Variants in DNAH9 observed in about 807,000 individuals in gnomAD.
The protein encoded by DNAH9 is DNAH9 variant protein.
Under a neutral mutation model 471.6 loss-of-function variants are expected in DNAH9, and 345 were observed. That is an observed-to-expected ratio of 0.73 (90% CI 0.67 to 0.80). DNAH9 has a LOEUF of 0.80. Ranked by LOEUF, DNAH9 falls within the 30% of genes least tolerant of loss-of-function variation. The pLI is 0.00. For synonymous variants in DNAH9, 2,093 were observed against 2,123.6 expected (o/e 0.99, Z 0.40); for missense variants, 5,407 against 5,609.2 (o/e 0.96, Z 1.15).
rs1300215429 is a variant in DNAH9, at chr17:11,937,440, A to G, written c.12578A>G (p.Glu4193Gly). The change falls in exon 66 of 69, where the codon GAA (glutamate) becomes GGA (glycine). Residue 4193 changes from glutamate (E) to glycine (G), a missense_variant. Physicochemically the swap from Glu to Gly is moderately conservative, Grantham distance 98 (BLOSUM62 -2). Around this residue, in one of 3 missense-constraint regions of DNAH9, gnomAD observed 4,636 missense variants for 4,900.3 expected, o/e 0.95. Transcript: ENST00000262442. The surrounding 1 kb of genome is among the most constrained non-coding windows in gnomAD (Gnocchi z 4.1). ...AEIGFLTQTS[E>G]KLFRTVLELQ... is the part of the protein sequence containing the mutation. ...ATTGGCTTCCTGACCCAAACCTCAG[A>G]AAAGCTCTTCCGCACTGTGCTGGAG... is the stretch of plus-strand genomic sequence containing the variant. 1.1e-5 allele frequency: 18 copies of G among 1,614,010 alleles called. No individual in the cohort carries two copies. The highest frequency in any genetic ancestry group is 9.3e-6 in the Non-Finnish European group (11 of 1,179,998).
intron 28 of DNAH9, among the ~76,000 whole-genome samples, chr17:11,731,713 T>C (rs2075274077): frequency 6.6e-6 from 1 of 152,128 alleles, no homozygotes; most frequent in South Asian, 2.1e-4. Context: ...TCCATGTCCC[T>C]GCAAAGGACA....
chr17:11,652,997 G>C lies in DNAH9; in HGVS notation c.2590G>C (p.Val864Leu). The C allele has an allele frequency of 6.2e-7, 1 of 1,613,690 alleles. No individual in the cohort carries two copies. Among genetic ancestry groups the C allele is most frequent in the Non-Finnish European group, 8.5e-7 (1 of 1,179,990 alleles). ...KESGLKIHAL[V>L]QENLGLFSAD... is the part of the protein sequence containing the mutation. ...ATCTGGCCTTAAGATCCACGCCCTTGTTCAGGTAATAACCCAGCCACTCAG... is the reference window on the plus strand; with the variant it reads ...ATCTGGCCTTAAGATCCACGCCCTTCTTCAGGTAATAACCCAGCCACTCAG... The change falls in exon 14 of 69, where the codon GTT becomes CTT. Residue 864 changes from valine to leucine, a missense_variant. Val to Leu is a conservative substitution (Grantham distance 32). Around this residue, in one of 3 missense-constraint regions of DNAH9, gnomAD observed 4,636 missense variants for 4,900.3 expected, o/e 0.95. Transcript: ENST00000262442.
intron 4 of DNAH9, among the ~76,000 whole-genome samples, chr17:11,613,532 G>A (rs1045335718): frequency 5.3e-5 from 8 of 152,166 alleles, no homozygotes; most frequent in African/African-American, 1.9e-4. Flanking sequence ...TTGAACCTGG[G>A]AGGCAGAGGT....
chr17:11,867,824 A>G (rs1043417337), intron 50 of DNAH9, among the ~76,000 whole-genome samples: 4 of 152,188 alleles, frequency 2.6e-5, no homozygotes, highest in Non-Finnish European at 5.9e-5. Flanking sequence ...TGACTTTCTT[A>G]CATGGTGACA....
intron 68 of DNAH9, among the ~76,000 whole-genome samples, chr17:11,967,089 T>C (rs865981310): frequency 3.3e-5 from 5 of 151,434 alleles, no homozygotes; most frequent in African/African-American, 7.3e-5. Flanking sequence ...GATTGTTATG[T>C]ACATTAGAAT....
chr17:11,955,755 C>G (rs146854892), intron 67 of DNAH9, among the ~76,000 whole-genome samples: 3 of 152,346 alleles, frequency 2.0e-5, no homozygotes, highest in Non-Finnish European at 4.4e-5. Flanking sequence ...AGTGCATCCT[C>G]TCTCCAGCAC....
In DNAH9 at chr17:11,969,616, AGAAC is replaced by A; in HGVS notation, c.*91_*94del. On this transcript the variant is annotated 3_prime_UTR_variant, in exon 69 of 69. Coordinates refer to ENST00000262442, the MANE Select transcript of DNAH9 (RefSeq NM_001372.4). ...GGGTGAAGGGTCACCACAGACACTT[AGAAC>A]GGTAAGAAACCATGAGCACTCACAA... The A allele has an allele frequency of 3.8e-6, 4 of 1,042,950 alleles. No homozygotes were observed. The Admixed American group carries it at 1.1e-4, about 29-fold the overall frequency. The allele number at this position is 1,042,950 out of a possible 1,614,324, so 64.6% of individuals were successfully genotyped here.
At chr17:11,799,588 T>TTTG (rs1307358940) in intron 43 of DNAH9, among the ~76,000 whole-genome samples, 1 of 152,070 alleles carries the variant, frequency 6.6e-6, no homozygotes, top group South Asian at 2.1e-4. Flanking sequence ...ACTGTCTTTT[T>TTTG]TTGTTGTTGT....
At chr17:11,866,319 C>T (rs918805314) in intron 50 of DNAH9, among the ~76,000 whole-genome samples, 1 of 152,132 alleles carries the variant, frequency 6.6e-6, no homozygotes, top group African/African-American at 2.4e-5. Flanking sequence ...GCAGCGGTGT[C>T]TGCAGAACAG....
intron 54 of DNAH9, 128 bp from the exon 55 acceptor site, chr17:11,881,081 G>C: frequency 1.2e-6 from 1 of 855,836 alleles, no homozygotes; most frequent in Non-Finnish European, 1.9e-6. Context: ...AGAATCCCAG[G>C]GCTCATCCTA....
chr17:11,781,855 A>AAC (rs1968684214), intron 39 of DNAH9, among the ~76,000 whole-genome samples: 1 of 151,108 alleles, frequency 6.6e-6, no homozygotes, highest in African/African-American at 2.4e-5. Flanking sequence ...AAACAAAAAA[A>AAC]AAACTACCAA....
chr17:11,763,321 C>A lies in DNAH9; in HGVS notation c.6996-119C>A. On this transcript the variant is annotated intron_variant, in intron 35 of 68. Transcript: ENST00000262442. ...AAGTGGCGCTCTGGTTGTCTGTAAT[C>A]CCAAAGAACTTGACGGACCATGAGT... The A allele has an allele frequency of 3.5e-6, 3 of 854,484 alleles. No homozygotes were observed. In the South Asian group the frequency reaches 5.0e-5, roughly 14 times the overall value. The allele number at this position is 854,484 out of a possible 1,614,324, so 52.9% of individuals were successfully genotyped here.
chr17:11,667,728 C>T (rs1278324951), intron 15 of DNAH9, among the ~76,000 whole-genome samples: 1 of 152,156 alleles, frequency 6.6e-6, no homozygotes, highest in Non-Finnish European at 1.5e-5. Flanking sequence ...ACTGCCATGT[C>T]CAGGCTCTAG....
rs377252783 is a variant in DNAH9 at position 11,871,557 on chromosome 17, T to C, written c.10054-41T>C. 2.4e-5 allele frequency: 38 copies of C among 1,588,822 alleles called. No individual in the cohort carries two copies. The South Asian group carries it at 4.2e-4, about 17-fold the overall frequency. ...GGAATCACGGCTCTATCACCTACTGTGTAACACGCCTCCTCTCCTCTCTGG... is the reference window on the plus strand; with the variant it reads ...GGAATCACGGCTCTATCACCTACTGCGTAACACGCCTCCTCTCCTCTCTGG... On this transcript the variant is annotated intron_variant, in intron 51 of 68. Coordinates refer to ENST00000262442, the MANE Select transcript of DNAH9 (RefSeq NM_001372.4).
intron 52 of DNAH9, among the ~76,000 whole-genome samples, chr17:11,872,043 C>G (rs2240519): frequency 6.6e-6 from 1 of 151,858 alleles, no homozygotes; most frequent in Non-Finnish European, 1.5e-5. Context: ...CTCTTCCCCG[C>G]GGGCTGTCTC....
intron 29 of DNAH9, among the ~76,000 whole-genome samples, chr17:11,739,591 G>A (rs898809684): frequency 1.3e-5 from 2 of 152,112 alleles, no homozygotes; most frequent in East Asian, 3.9e-4. Context: ...TAAGGCTCTT[G>A]ATACACATTG....
In DNAH9 at chr17:11,942,406, C is replaced by A. The variant is rs1974953598; in HGVS notation, c.12764C>A (p.Ala4255Asp). ...GAGCGCACCCCTTACATTGTAGTTG[C>A]CTTCCAGGAGTGTGGCCGGATGAAT... ...VEERTPYIVV[A>D]FQECGRMNIL... The change falls in exon 67 of 69, where the codon GCC becomes GAC. Residue 4255 changes from alanine to aspartate, a missense_variant. By Grantham distance (126) the Ala-to-Asp change is moderately radical (BLOSUM62 -2). Coordinates refer to ENST00000262442, the MANE Select transcript of DNAH9 (RefSeq NM_001372.4). The A allele has an allele frequency of 6.2e-7, 1 of 1,614,048 alleles. No homozygotes were observed.
intron 61 of DNAH9, among the ~76,000 whole-genome samples, chr17:11,915,588 T>C (rs972342843): frequency 6.6e-6 from 1 of 152,112 alleles, no homozygotes; most frequent in Non-Finnish European, 1.5e-5. Flanking sequence ...TTCCCACTGG[T>C]ATAGTCCAAT....
At position 11,689,366 on chromosome 17, in the gene DNAH9, GT is replaced by G. The variant is rs56124130; in HGVS notation, c.3744-187del. On this transcript the variant is annotated intron_variant, in intron 19 of 68. Transcript: ENST00000262442. The stretch of plus-strand genomic sequence containing the variant: ...CTCCACCCCAGTCTGTCCTGAGTGT[GT>G]TTTTTTTTTTTTCCCAAAAGAAAAT... 0.75 allele frequency among the ~76,000 whole-genome samples: 109,104 copies of G among 146,304 alleles called. 40,960 individuals are homozygous for G. Among genetic ancestry groups the G allele is most frequent in the East Asian group, 0.9 (4,460 of 4,980 alleles).
Sources: gnomAD v4.1 joint callset for allele counts (sites outside exome capture counted in the v4.1 genomes callset) on GRCh38, gnomAD v4.1.1 for gene constraint, gnomAD v4.1.1 regional missense constraint, Gnocchi (gnomAD v3.1) non-coding constraint, MANE v1.5 for transcripts, NCBI Gene and HGNC (gene_info 2026-07-23, HGNC 2026-07-21) for gene names.